CPT1A: variants seen among roughly 807,000 people sequenced by gnomAD.
CPT1A encodes carnitine O-palmitoyltransferase 1, liver isoform.
Under a neutral mutation model 100.8 loss-of-function variants are expected in CPT1A, and 64 were observed. The observed-to-expected ratio is 0.63, with a 90% CI of 0.52 to 0.78. The LOEUF (loss-of-function observed/expected upper bound fraction) is 0.78. Among genes scored for constraint, CPT1A ranks in the 30% least tolerant of loss-of-function variants. CPT1A has a pLI of 0.00. For missense variants in CPT1A, 802 were observed against 1,034.1 expected, an observed-to-expected ratio of 0.78 and a Z score of 3.08; for synonymous variants, 363 against 396.0, an observed-to-expected ratio of 0.92 and a Z score of 0.99.
In CPT1A at chr11:68,794,820, C is replaced by T. The variant is rs140958507; in HGVS notation, c.863G>A (p.Arg288Gln). The T allele has an allele frequency of 7.0e-3, 11,290 of 1,613,936 alleles. 55 individuals carry two copies. Among genetic ancestry groups the T allele is most frequent in the Non-Finnish European group, 8.6e-3 (10,154 of 1,179,834 alleles). ...TTTGCCTACTGGTTTGATTTCCTCC[C>T]GGTCCAGTTTGCGCCTGTAAAGCAG... The part of the protein sequence containing the change: ...AILLYRRKLD[R>Q]EEIKPIRLLG... Residue 288 changes from arginine (R) to glutamine (Q), a missense_variant, in exon 8 of 19, where the codon CGG (arginine) becomes CAG (glutamine). By Grantham distance (43) the Arg-to-Gln change is conservative (BLOSUM62 1). Around this residue, in one of 4 missense-constraint regions of CPT1A, gnomAD observed 627 missense variants for 799.3 expected, o/e 0.78. Transcript: ENST00000265641.
intron 16 of CPT1A, 43 bp from the exon 17 acceptor site, chr11:68,760,381 A>C: frequency 6.7e-7 from 1 of 1,487,062 alleles, no homozygotes; most frequent in Non-Finnish European, 9.3e-7. Context: ...CCCCTCCTCT[A>C]CCGTCCCTCA....
intron 14 of CPT1A, among the ~76,000 whole-genome samples, chr11:68,764,165 G>A (rs1854718885): frequency 6.6e-6 from 1 of 152,200 alleles, no homozygotes; most frequent in Admixed American, 6.5e-5. Context: ...TGAGTCCAAG[G>A]CAGCACGCGG....
chr11:68,824,041 G>A (rs1856656796), intron 1 of CPT1A, among the ~76,000 whole-genome samples: 1 of 152,036 alleles, frequency 6.6e-6, no homozygotes, highest in Non-Finnish European at 1.5e-5. Flanking sequence ...GAGGTCAGGA[G>A]TTTGAGACCA....
chr11:68,810,387 C>T (rs1161109301), intron 3 of CPT1A, among the ~76,000 whole-genome samples: 1 of 152,140 alleles, frequency 6.6e-6, no homozygotes, highest in Non-Finnish European at 1.5e-5. Flanking sequence ...CCCAGGCAGA[C>T]AAGGAACCTG....
chr11:68,799,496 C>T (rs1276536819), intron 5 of CPT1A, 141 bp from the exon 6 acceptor site: 2 of 928,562 alleles, frequency 2.2e-6, no homozygotes, highest in Non-Finnish European at 3.3e-6. Flanking sequence ...TGCTTGTAAT[C>T]CCAGCACTTT....
At chr11:68,792,404 C>T (rs1056699217) in intron 9 of CPT1A, among the ~76,000 whole-genome samples, 1 of 152,166 alleles carries the variant, frequency 6.6e-6, no homozygotes, top group Admixed American at 6.5e-5. Context: ...CAAGCAGCCC[C>T]GAGGCCCGCC....
intron 14 of CPT1A, among the ~76,000 whole-genome samples, chr11:68,765,565 G>A (rs1405877382): frequency 6.6e-6 from 1 of 152,326 alleles, no homozygotes; most frequent in East Asian, 1.9e-4. Context: ...CACTAGCACT[G>A]TTACTATGGG....
chr11:68,806,407 C>T (rs1468857830), intron 4 of CPT1A, among the ~76,000 whole-genome samples: 1 of 151,944 alleles, frequency 6.6e-6, no homozygotes, highest in Non-Finnish European at 1.5e-5. Flanking sequence ...TCAAGGTGGG[C>T]CGATCACTTG....
At chr11:68,824,813 T>TTTG (rs1856679563) in intron 1 of CPT1A, among the ~76,000 whole-genome samples, 1 of 150,506 alleles carries the variant, frequency 6.6e-6, no homozygotes. Flanking sequence ...TTTTTTTTTT[T>TTTG]GAGACTGTTG....
intron 3 of CPT1A, among the ~76,000 whole-genome samples, chr11:68,807,928 G>A (rs1856094999): frequency 1.3e-5 from 2 of 152,244 alleles, no homozygotes; most frequent in Admixed American, 1.3e-4. Flanking sequence ...GATCTGCTCG[G>A]GTGGCCTCGA....
chr11:68,798,777 C>G (rs896059927), intron 6 of CPT1A, among the ~76,000 whole-genome samples: 1 of 152,184 alleles, frequency 6.6e-6, no homozygotes, highest in African/African-American at 2.4e-5. Flanking sequence ...AGAAACAGCT[C>G]ACGGGAGGAC....
intron 9 of CPT1A, among the ~76,000 whole-genome samples, chr11:68,792,604 G>A (rs532910272): frequency 6.6e-5 from 10 of 152,298 alleles, no homozygotes; most frequent in East Asian, 3.9e-4. Flanking sequence ...TGGTTTGGAC[G>A]GTGGCTTACG....
In CPT1A at chr11:68,799,167, C is replaced by T. The variant is rs202178208; in HGVS notation, c.693+51G>A. The stretch of plus-strand genomic sequence containing the variant: ...TGTTATCCCTGCCCCTCAAAATTAG[C>T]GTCTTCATACGGAAAAATTTCATCA... On this transcript the variant is annotated intron_variant, in intron 6 of 18. Coordinates refer to ENST00000265641, the MANE Select transcript of CPT1A (RefSeq NM_001876.4). The T allele has an allele frequency of 9.5e-4, 1,002 of 1,057,768 alleles. 1 individual carries two copies. Among genetic ancestry groups the T allele is most frequent in the Non-Finnish European group, 1.2e-3 (887 of 741,798 alleles). 65.5% of individuals were successfully genotyped at this position (1,057,768 alleles called of 1,614,324 possible).
At chr11:68,776,392 C>T (rs1356640589) in intron 12 of CPT1A, among the ~76,000 whole-genome samples, 1 of 152,118 alleles carries the variant, frequency 6.6e-6, no homozygotes, top group African/African-American at 2.4e-5. Context: ...GAGCAAGACC[C>T]TGTCTCTAGA....
chr11:68,812,881 C>T (rs550761979), intron 2 of CPT1A, among the ~76,000 whole-genome samples: 7 of 152,044 alleles, frequency 4.6e-5, no homozygotes, highest in Non-Finnish European at 8.8e-5. Context: ...TGGTGAAGGA[C>T]GTCACTGAGC....
rs149651027 is a variant in CPT1A at position 68,831,037 on chromosome 11, G to A, written c.-14+10738C>T. On this transcript the variant is annotated intron_variant, in intron 1 of 18. Transcript: ENST00000265641. ...ATAACACATCTTCAATTTTGCTTAC[G>A]ATTAACTTCATTTTAACAACTTTGC... Among the ~76,000 whole-genome samples the A allele has an allele frequency of 8.0e-3, 1,221 of 152,302 alleles. 14 individuals carry two copies. The highest frequency in any genetic ancestry group is 0.045 in the East Asian group (233 of 5,188).
intron 14 of CPT1A, among the ~76,000 whole-genome samples, chr11:68,766,958 G>C (rs770022117): frequency 5.9e-5 from 9 of 152,144 alleles, no homozygotes; most frequent in Non-Finnish European, 1.0e-4. Context: ...AGAACAGGCT[G>C]TGCGGGCCAG....
In CPT1A at chr11:68,794,691, G is replaced by A. The variant is rs1855709097; in HGVS notation, c.879+113C>T. On this transcript the variant is annotated intron_variant, in intron 8 of 18. Coordinates refer to ENST00000265641, the MANE Select transcript of CPT1A (RefSeq NM_001876.4). ...CTCCCAAAGTGCCAAGATTACAGGCGTGAGACCCTGTGCCCGGCCACAAAC... is the reference window on the plus strand; with the variant it reads ...CTCCCAAAGTGCCAAGATTACAGGCATGAGACCCTGTGCCCGGCCACAAAC... 7.5e-6 allele frequency: 7 copies of A among 937,024 alleles called. No individual in the cohort carries two copies. The East Asian group carries it at 7.8e-5, about 10-fold the overall frequency. The allele number at this position is 937,024 out of a possible 1,614,324, so 58.0% of individuals were successfully genotyped here.
intron 14 of CPT1A, among the ~76,000 whole-genome samples, chr11:68,771,778 T>G (rs1854996804): frequency 6.6e-6 from 1 of 152,224 alleles, no homozygotes; most frequent in African/African-American, 2.4e-5. Context: ...GAGCATAGAC[T>G]CTGGAGCCGC....
Sources: allele counts gnomAD v4.1 joint callset (sites outside exome capture counted in the v4.1 genomes callset), GRCh38; gene constraint gnomAD v4.1.1; regional missense constraint gnomAD v4.1.1; transcripts MANE v1.5; gene names NCBI Gene and HGNC (gene_info 2026-07-23, HGNC 2026-07-21).